KMT2C: variants seen among roughly 807,000 people sequenced by gnomAD.
KMT2C encodes histone-lysine N-methyltransferase 2C.
Under a neutral mutation model 507.9 loss-of-function variants are expected in KMT2C, and 88 were observed. The observed-to-expected ratio is 0.17, with a 90% CI of 0.15 to 0.21. The LOEUF is 0.21. Ranked by LOEUF, KMT2C falls within the 10% of genes least tolerant of loss-of-function variation. The pLI is 1.00. For missense variants in KMT2C, 4,954 were observed against 5,957.8 expected (o/e 0.83, Z 5.55); for synonymous variants, 2,049 against 2,080.8 (o/e 0.98, Z 0.42).
chr7:152,330,560 C>A, intron 3 of KMT2C, 41 bp downstream of exon 3: 1 of 1,589,980 alleles, frequency 6.3e-7, no homozygotes, highest in Non-Finnish European at 8.6e-7. Context: ...CTGCTTTATT[C>A]CTGTCACTAA....
chr7:152,381,130 T>C (rs1589602907), intron 1 of KMT2C, among the ~76,000 whole-genome samples: 1 of 152,202 alleles, frequency 6.6e-6, no homozygotes. Flanking sequence ...TCAAGTTTTG[T>C]TCTGTTTTTA....
At chr7:152,226,597 TG>T (rs1463481230) in intron 18 of KMT2C, among the ~76,000 whole-genome samples, 1 of 152,242 alleles carries the variant, frequency 6.6e-6, no homozygotes, top group East Asian at 1.9e-4. Context: ...ATTAGCTTAT[TG>T]ATTTTTAAGA....
intron 6 of KMT2C, among the ~76,000 whole-genome samples, chr7:152,276,470 T>C (rs1313808943): frequency 2.0e-5 from 3 of 152,136 alleles, no homozygotes; most frequent in Non-Finnish European, 4.4e-5. Flanking sequence ...AAACAGCTCT[T>C]GGCCGGGCAT....
intron 7 of KMT2C, among the ~76,000 whole-genome samples, chr7:152,268,379 C>A (rs895396406): frequency 5.9e-5 from 9 of 152,184 alleles, no homozygotes; most frequent in African/African-American, 2.2e-4. Context: ...CAAGAAACTT[C>A]TGTTACATAA....
intron 18 of KMT2C, among the ~76,000 whole-genome samples, chr7:152,228,511 G>A (rs1391097353): frequency 1.3e-5 from 2 of 152,154 alleles, no homozygotes; most frequent in Non-Finnish European, 2.9e-5. Context: ...TCGTGCAAAA[G>A]GAACCATACA....
intron 43 of KMT2C, 106 bp downstream of exon 43, chr7:152,162,011 A>G (rs2092479596): frequency 2.3e-6 from 3 of 1,281,086 alleles, no homozygotes; most frequent in Non-Finnish European, 3.0e-6. Context: ...CCTTTAGAAT[A>G]AAAAGGTTGT....
At chr7:152,183,764 C>T (rs2093517108) in intron 34 of KMT2C, among the ~76,000 whole-genome samples, 1 of 152,122 alleles carries the variant, frequency 6.6e-6, no homozygotes, top group African/African-American at 2.4e-5. Flanking sequence ...GATGTGGTGG[C>T]ACATGCCTGT....
intron 10 of KMT2C, 101 bp from the exon 11 acceptor site, chr7:152,252,191 T>G (rs941233364): frequency 2.4e-6 from 2 of 835,364 alleles, no homozygotes; most frequent in African/African-American, 3.4e-5. Flanking sequence ...AACAGTTAAT[T>G]AAGTATGAGA....
At chr7:152,205,030 TA>T in intron 25 of KMT2C, 75 bp downstream of exon 25, 5 of 865,900 alleles carry the variant, frequency 5.8e-6, no homozygotes, top group Non-Finnish European at 9.0e-6. Context: ...TTATTTAGGA[TA>T]GTTTTTTCCA....
Position 152,192,166 on chromosome 7 carries a change from T to C in KMT2C, c.4660+1843A>G, listed in dbSNP as rs775947743. Reference sequence around the variant, plus strand: ...AAATACATCTTTGATTTTTAAAATATGCACTTTCAGTTCAGAAAACATAAA... The same window carrying C: ...AAATACATCTTTGATTTTTAAAATACGCACTTTCAGTTCAGAAAACATAAA... On this transcript the variant is annotated intron_variant, in intron 31 of 58. Coordinates refer to ENST00000262189, the MANE Select transcript of KMT2C (RefSeq NM_170606.3). Among the ~76,000 whole-genome samples the C allele has an allele frequency of 5.3e-5, 8 of 152,356 alleles. No homozygotes were observed. The South Asian group carries it at 1.7e-3, about 32-fold the overall frequency.
In KMT2C at chr7:152,251,989, A is replaced by G; in HGVS notation, c.1571T>C (p.Met524Thr). 1 of 1,613,122 alleles carries G rather than the reference A, an allele frequency of 6.2e-7. No individual in the cohort carries two copies. The highest frequency in any genetic ancestry group is 8.5e-7 in the Non-Finnish European group (1 of 1,179,442). Residue 524 changes from methionine to threonine, a missense_variant, in exon 11 of 59, where the codon ATG (methionine) becomes ACG (threonine). Coordinates refer to ENST00000262189, the MANE Select transcript of KMT2C (RefSeq NM_170606.3). ...CMYCKHLGAE[M>T]DRLQPGEEVE... ...TTCCTCACCTGGCTGTAAACGATCC[A>G]TCTCAGCTCCCAGGTGTTTACAATA... is the stretch of plus-strand genomic sequence containing the variant.
rs2090938686 is a variant in KMT2C at position 152,144,755 on chromosome 7, A to G, written c.14301T>C (p.Thr4767=). Reference sequence around the variant, plus strand: ...CCAGATACACATTGGATTTCCATTCAGTTTTCATCTTCCGGTACTGCGATG... The same window carrying G: ...CCAGATACACATTGGATTTCCATTCGGTTTTCATCTTCCGGTACTGCGATG... ...SKSSQYRKMK[T]EWKSNVYLAR... is the part of the protein sequence containing the mutation. The change falls in exon 55 of 59, where the codon ACT becomes ACC. Residue 4767 remains threonine (T), a synonymous_variant. Coordinates refer to ENST00000262189, the MANE Select transcript of KMT2C (RefSeq NM_170606.3). This position sits in a 1 kb window ranked among gnomAD's most constrained non-coding sequence, Gnocchi z 4.4. The G allele has an allele frequency of 6.2e-7, 1 of 1,614,074 alleles. No homozygotes were observed. Among genetic ancestry groups the G allele is most frequent in the East Asian group, 2.2e-5 (1 of 44,880 alleles).
intron 1 of KMT2C, among the ~76,000 whole-genome samples, chr7:152,400,244 G>A (rs1227179472): frequency 6.6e-6 from 1 of 152,066 alleles, no homozygotes; most frequent in Non-Finnish European, 1.5e-5. Flanking sequence ...AGGAGGCAGA[G>A]GTTGCAATGT....
intron 1 of KMT2C, among the ~76,000 whole-genome samples, chr7:152,388,949 T>C (rs1045090475): frequency 1.3e-5 from 2 of 152,298 alleles, no homozygotes; most frequent in African/African-American, 4.8e-5. Context: ...GGTTTCTCCG[T>C]GTTGGTCATA....
In KMT2C at chr7:152,251,932, A is replaced by G. The variant is rs1432643437; in HGVS notation, c.1621+7T>C. ...AAAATTTAAAAAAAAATCATTCTCA[A>G]ATTTACCTGTAGTGAGCTCAGCTAT... On this transcript the variant is annotated splice_region_variant and intron_variant, in intron 11 of 58. Coordinates refer to ENST00000262189, the MANE Select transcript of KMT2C (RefSeq NM_170606.3). 3.2e-6 allele frequency: 5 copies of G among 1,565,058 alleles called. No individual in the cohort carries two copies. The highest frequency in any genetic ancestry group is 2.8e-5 in the African/African-American group (2 of 72,630).
At chr7:152,231,515 T>C (rs567333308) in intron 16 of KMT2C, among the ~76,000 whole-genome samples, 1 of 152,404 alleles carries the variant, frequency 6.6e-6, no homozygotes, top group Admixed American at 6.5e-5. Flanking sequence ...GTGTGGTGGC[T>C]CATGCCTATA....
intron 55 of KMT2C, among the ~76,000 whole-genome samples, chr7:152,140,762 A>G (rs535990809): frequency 5.9e-5 from 9 of 152,330 alleles, no homozygotes; most frequent in African/African-American, 2.2e-4. Flanking sequence ...CCGGGAGCAC[A>G]TGGTGGGAAG....
rs768439100 is a variant in KMT2C at position 152,435,716 on chromosome 7, G to A, written c.71C>T (p.Ala24Val). Reference sequence around the variant, plus strand: ...TGCGGCTGCGGGGCTCGGGGCCGGGGCTCCAGGCTCCTCGGGGGGTGGTGG... The same window carrying A: ...TGCGGCTGCGGGGCTCGGGGCCGGGACTCCAGGCTCCTCGGGGGGTGGTGG... ...PPPPPPEEPG[A>V]PAPSPAAADK... is the part of the protein sequence containing the mutation. Residue 24 changes from alanine to valine, a missense_variant, in exon 1 of 59, where the codon GCC becomes GTC. Physicochemically the swap from Ala to Val is moderately conservative, Grantham distance 64. Coordinates refer to ENST00000262189, the MANE Select transcript of KMT2C (RefSeq NM_170606.3). 17 of 1,532,912 alleles carry A rather than the reference G, an allele frequency of 1.1e-5. No individual in the cohort carries two copies. The East Asian group carries it at 4.2e-4, about 38-fold the overall frequency. The allele number at this position is 1,532,912 out of a possible 1,614,324, so 95.0% of individuals were successfully genotyped here.
intron 15 of KMT2C, 103 bp from the exon 16 acceptor site, chr7:152,236,036 CACTT>C (rs1327160000): frequency 1.5e-6 from 1 of 656,436 alleles, no homozygotes; most frequent in Admixed American, 2.8e-5. Context: ...GTTACACAAA[CACTT>C]CCTTAGATAA....
Sources: allele counts gnomAD v4.1 joint callset (sites outside exome capture counted in the v4.1 genomes callset), GRCh38; gene constraint gnomAD v4.1.1; non-coding constraint Gnocchi (gnomAD v3.1); transcripts MANE v1.5; gene names NCBI Gene and HGNC (gene_info 2026-07-23, HGNC 2026-07-21).